The following SNX29 variants were observed in gnomAD, a reference collection of about 807,000 sequenced individuals.
SNX29 encodes the protein sorting nexin 29, also known as sorting nexin-29.
A neutral mutation model predicts 102.1 loss-of-function variants in SNX29; 78 were observed. The observed-to-expected ratio is 0.76, with a 90% CI of 0.64 to 0.92. SNX29 has a LOEUF of 0.92. Among genes scored for constraint, SNX29 ranks in the 40% least tolerant of loss-of-function variants. The probability of loss-of-function intolerance (pLI) is 0.00; values close to 1 mark genes in which losing one functional copy is unlikely to be tolerated. For missense variants in SNX29, 1,280 were observed against 1,061.7 expected (o/e 1.21, Z -2.86); for synonymous variants, 580 against 414.5 (o/e 1.40, Z -4.85).
chr16:12,268,910 A>C (rs1369476939), intron 14 of SNX29, among the ~76,000 whole-genome samples: 1 of 152,118 alleles, frequency 6.6e-6, no homozygotes, highest in African/African-American at 2.4e-5. Flanking sequence ...CACAGTTTCT[A>C]CCTATTTTAG....
At chr16:12,268,315 A>G (rs2078993741) in intron 14 of SNX29, among the ~76,000 whole-genome samples, 3 of 152,186 alleles carry the variant, frequency 2.0e-5, no homozygotes, top group Admixed American at 2.0e-4. Flanking sequence ...GGTACCTGGC[A>G]GGTAATGAAC....
chr16:12,198,664 G>A (rs113169006), intron 13 of SNX29, among the ~76,000 whole-genome samples: 2,376 of 152,332 alleles, frequency 0.016, 60 homozygotes, highest in African/African-American at 0.055. Context: ...ATGGCGAAGA[G>A]TCCTTGTGGG....
chr16:12,504,323 T>C (rs1170560879), intron 19 of SNX29, among the ~76,000 whole-genome samples: 1 of 152,172 alleles, frequency 6.6e-6, no homozygotes, highest in Non-Finnish European at 1.5e-5. Flanking sequence ...TCCAGAATTG[T>C]GCAGTTATCA....
intron 16 of SNX29, among the ~76,000 whole-genome samples, chr16:12,394,758 T>C (rs988966551): frequency 6.6e-6 from 1 of 152,190 alleles, no homozygotes; most frequent in African/African-American, 2.4e-5. Flanking sequence ...GGCTGCTGAG[T>C]AGACTAAGAG....
chr16:12,497,312 C>G (rs982594406), intron 19 of SNX29, among the ~76,000 whole-genome samples: 2 of 152,234 alleles, frequency 1.3e-5, no homozygotes, highest in African/African-American at 4.8e-5. Flanking sequence ...CTATCATACA[C>G]CAAGTCTCGT....
chr16:12,226,835 C>T (rs747821594), intron 14 of SNX29, among the ~76,000 whole-genome samples: 28 of 152,260 alleles, frequency 1.8e-4, no homozygotes, highest in Non-Finnish European at 3.7e-4. Context: ...ACCTTGGCCT[C>T]CCAAAGTGCT....
intron 5 of SNX29, among the ~76,000 whole-genome samples, chr16:12,044,039 C>T (rs1456153843): frequency 6.6e-6 from 1 of 152,190 alleles, no homozygotes; most frequent in Non-Finnish European, 1.5e-5. Context: ...CAGGCGTGAG[C>T]CACTGTGGCT....
intron 19 of SNX29, among the ~76,000 whole-genome samples, chr16:12,505,991 C>T (rs921203373): frequency 4.6e-5 from 7 of 152,140 alleles, no homozygotes; most frequent in Non-Finnish European, 7.3e-5. Context: ...GACAGAGTCT[C>T]GCTCTGTCAC....
intron 14 of SNX29, among the ~76,000 whole-genome samples, chr16:12,239,800 A>G (rs1430185197): frequency 2.7e-5 from 4 of 149,430 alleles, no homozygotes; most frequent in South Asian, 2.1e-4. Flanking sequence ...AGCATGAGCA[A>G]TAGACTGACA....
At chr16:12,506,732 A>G (rs1017049357) in intron 19 of SNX29, among the ~76,000 whole-genome samples, 12 of 152,302 alleles carry the variant, frequency 7.9e-5, no homozygotes, top group African/African-American at 2.6e-4. Flanking sequence ...AACATCAACT[A>G]TGGTCAGGGA....
chr16:12,276,942 T>A (rs986830728), intron 14 of SNX29, among the ~76,000 whole-genome samples: 1 of 152,140 alleles, frequency 6.6e-6, no homozygotes, highest in Admixed American at 6.5e-5. Flanking sequence ...TCTAAAGGTT[T>A]TCTTGCTGTC....
At chr16:12,059,020 C>T (rs972509933) in intron 8 of SNX29, among the ~76,000 whole-genome samples, 13 of 152,046 alleles carry the variant, frequency 8.6e-5, no homozygotes, top group African/African-American at 2.4e-4. Flanking sequence ...CCTTCTGCCT[C>T]GGCCTCCCAA....
intron 15 of SNX29, among the ~76,000 whole-genome samples, chr16:12,297,920 AG>A (rs1394525120): frequency 1.3e-5 from 2 of 152,190 alleles, no homozygotes; most frequent in African/African-American, 2.4e-5. Flanking sequence ...CTGTAATCCC[AG>A]CACTTTAGGA....
At chr16:12,532,858 C>A (rs534139164) in intron 20 of SNX29, among the ~76,000 whole-genome samples, 2 of 152,186 alleles carry the variant, frequency 1.3e-5, no homozygotes, top group African/African-American at 4.8e-5. Flanking sequence ...CCCAGAGAAG[C>A]CTTCCCCTGC....
At chr16:12,230,062 A>G (rs921908913) in intron 14 of SNX29, among the ~76,000 whole-genome samples, 2 of 152,258 alleles carry the variant, frequency 1.3e-5, no homozygotes, top group African/African-American at 2.4e-5. Context: ...CTGTATGCCA[A>G]TAAAACTTTA....
chr16:12,168,469 G>A (rs1287215778), intron 13 of SNX29, among the ~76,000 whole-genome samples: 1 of 152,148 alleles, frequency 6.6e-6, no homozygotes, highest in Non-Finnish European at 1.5e-5. Context: ...GCCCCATGTT[G>A]TTGCTCCTAT....
intron 14 of SNX29, among the ~76,000 whole-genome samples, chr16:12,225,507 A>G (rs1398292202): frequency 6.6e-6 from 1 of 152,106 alleles, no homozygotes; most frequent in East Asian, 1.9e-4. Flanking sequence ...CATCCACGTA[A>G]GATATGATTT....
intron 11 of SNX29, among the ~76,000 whole-genome samples, chr16:12,101,000 C>T (rs542330173): frequency 5.3e-5 from 8 of 152,188 alleles, no homozygotes; most frequent in Non-Finnish European, 1.2e-4. Flanking sequence ...ACGGTGAAAA[C>T]ACCCATCCAT....
intron 18 of SNX29, among the ~76,000 whole-genome samples, chr16:12,423,769 G>T (rs534202553): frequency 6.6e-6 from 1 of 152,102 alleles, no homozygotes; most frequent in Non-Finnish European, 1.5e-5. Context: ...ATGGGGTTTC[G>T]CTATGTTGGC....
Sources: gnomAD v4.1 joint callset for allele counts (sites outside exome capture counted in the v4.1 genomes callset) on GRCh38, gnomAD v4.1.1 for gene constraint, MANE v1.5 for transcripts, NCBI Gene and HGNC (gene_info 2026-07-23, HGNC 2026-07-21) for gene names.